The following CYFIP2 variants were observed in gnomAD, a reference collection of about 807,000 sequenced individuals.
The protein encoded by CYFIP2 is cytoplasmic FMR1-interacting protein 2.
A neutral mutation model predicts 158.7 loss-of-function variants in CYFIP2; 29 were observed. The observed-to-expected ratio is 0.18, with a 90% CI of 0.14 to 0.25. CYFIP2 has a LOEUF of 0.25. Among genes scored for constraint, CYFIP2 ranks in the 10% least tolerant of loss-of-function variants. CYFIP2 has a pLI of 1.00. For synonymous variants in CYFIP2, 585 were observed against 617.6 expected (o/e 0.95, Z 0.78); for missense variants, 852 against 1,639.5 (o/e 0.52, Z 8.29).
At chr5:157,299,675 C>T (rs1758577169) in intron 5 of CYFIP2, among the ~76,000 whole-genome samples, 1 of 152,034 alleles carries the variant, frequency 6.6e-6, no homozygotes, top group South Asian at 2.1e-4. Flanking sequence ...CCAAGGCAGG[C>T]AGATCACTTG....
At position 157,348,767 on chromosome 5, in the gene CYFIP2, G is replaced by A. The variant is rs150109989; in HGVS notation, c.2673+7610G>A. Among the ~76,000 whole-genome samples the A allele has an allele frequency of 1.6e-3, 242 of 151,918 alleles. 1 individual carries two copies. Among genetic ancestry groups the A allele is most frequent in the African/African-American group, 5.5e-3 (227 of 41,444 alleles). The stretch of plus-strand genomic sequence containing the variant: ...ATATGAGATCAGATAGTTGCTCTGC[G>A]GCTTTCCCATGGCATTCAGTCTTCC... On this transcript the variant is annotated intron_variant, in intron 23 of 30. Coordinates refer to ENST00000620254, the MANE Select transcript of CYFIP2 (RefSeq NM_001037333.3).
chr5:157,375,078 T>G (rs1020718965), intron 26 of CYFIP2, among the ~76,000 whole-genome samples: 8 of 152,184 alleles, frequency 5.3e-5, no homozygotes, highest in Non-Finnish European at 1.0e-4. Context: ...ACTTGAGACT[T>G]GTTAAAGGCA....
chr5:157,330,143 C>T lies in CYFIP2; in HGVS notation c.2157-599C>T, dbSNP rs116504631. Among the ~76,000 whole-genome samples, 1,005 of 152,158 alleles carry T rather than the reference C, an allele frequency of 6.6e-3. 15 individuals are homozygous for T. Among genetic ancestry groups the T allele is most frequent in the African/African-American group, 0.023 (944 of 41,480 alleles). Reference sequence around the variant, plus strand: ...TGGACTTCCTAACTCCAAATGATCCCATTTTCTTATTTTCAAAGCACTTCT... The same window carrying T: ...TGGACTTCCTAACTCCAAATGATCCTATTTTCTTATTTTCAAAGCACTTCT... On this transcript the variant is annotated intron_variant, in intron 19 of 30. Transcript: ENST00000620254.
intron 23 of CYFIP2, chr5:157,343,309 G>A (rs373483059): frequency 3.3e-5 from 53 of 1,614,094 alleles, no homozygotes; most frequent in Non-Finnish European, 4.1e-5. Flanking sequence ...TCTTACAGCT[G>A]ATGCACAGGA....
intron 11 of CYFIP2, among the ~76,000 whole-genome samples, chr5:157,312,144 A>G (rs1759777021): frequency 6.6e-6 from 1 of 152,162 alleles, no homozygotes; most frequent in African/African-American, 2.4e-5. Flanking sequence ...ACCATCTCCA[A>G]CCTGGATGGC....
At position 157,311,148 on chromosome 5, in the gene CYFIP2, C is replaced by G; in HGVS notation, c.993-516C>G. The G allele has an allele frequency of 2.2e-6, 1 of 452,898 alleles. No homozygotes were observed. Among genetic ancestry groups the G allele is most frequent in the African/African-American group, 2.0e-5 (1 of 50,086 alleles). The allele number at this position is 452,898 out of a possible 1,614,324, so 28.1% of individuals were successfully genotyped here. A position where few individuals can be genotyped will look rare whatever the true frequency, so the allele number is the denominator to read the frequency against. On this transcript the variant is annotated intron_variant, in intron 10 of 30. Coordinates refer to ENST00000620254, the MANE Select transcript of CYFIP2 (RefSeq NM_001037333.3). This position sits in a 1 kb window ranked among gnomAD's most constrained non-coding sequence, Gnocchi z 4.7. ...GCCACCCCCACGTCTCAGAGTGGCC[C>G]TGGCTTCTCCCACCACAGTGTGCTT...
At position 157,302,968 on chromosome 5, in the gene CYFIP2, G is replaced by A. The variant is rs569408263; in HGVS notation, c.666+78G>A. 1.4e-5 allele frequency: 16 copies of A among 1,131,676 alleles called. No individual in the cohort carries two copies. The East Asian group carries it at 1.6e-4, about 11-fold the overall frequency. The allele number at this position is 1,131,676 out of a possible 1,614,324, so 70.1% of individuals were successfully genotyped here. A position where few individuals can be genotyped will look rare whatever the true frequency, so the allele number is the denominator to read the frequency against. On this transcript the variant is annotated intron_variant, in intron 7 of 30. Coordinates refer to ENST00000620254, the MANE Select transcript of CYFIP2 (RefSeq NM_001037333.3). ...GGCGTGTAGAGGTTGGGTGGACCAC[G>A]AGCCCAAGCAGACAAGCTCAGTCTG...
intron 2 of CYFIP2, 43 bp from the exon 3 acceptor site, chr5:157,286,976 T>C: frequency 1.9e-6 from 3 of 1,557,066 alleles, no homozygotes; most frequent in Non-Finnish European, 1.8e-6. Flanking sequence ...AACTTGGAAC[T>C]GTTTTCTAAC....
At chr5:157,343,253 A>G (rs1247185109) in intron 23 of CYFIP2, 1 of 1,614,206 alleles carries the variant, frequency 6.2e-7, no homozygotes, top group Non-Finnish European at 8.5e-7. Context: ...ACTCTTATCC[A>G]GGGTGTGGAA....
chr5:157,273,974 A>C (rs2113811767), intron 1 of CYFIP2, among the ~76,000 whole-genome samples: 1 of 152,188 alleles, frequency 6.6e-6, no homozygotes, highest in Admixed American at 6.5e-5. Context: ...GTCTCTACTG[A>C]AAATACAAAA....
intron 19 of CYFIP2, among the ~76,000 whole-genome samples, chr5:157,329,783 T>C (rs898288594): frequency 6.6e-6 from 1 of 152,226 alleles, no homozygotes; most frequent in Non-Finnish European, 1.5e-5. Flanking sequence ...AAGTGTTCAG[T>C]AGGCACATGT....
intron 28 of CYFIP2, among the ~76,000 whole-genome samples, chr5:157,385,274 C>T (rs1186031319): frequency 6.6e-6 from 1 of 152,188 alleles, no homozygotes; most frequent in Non-Finnish European, 1.5e-5. Context: ...TGTCAAATGC[C>T]TAGTGTTTAA....
intron 26 of CYFIP2, among the ~76,000 whole-genome samples, chr5:157,374,996 A>C (rs918770169): frequency 6.6e-6 from 1 of 152,066 alleles, no homozygotes; most frequent in Non-Finnish European, 1.5e-5. Context: ...AGTAAGGGAA[A>C]CTCATGCTGG....
At chr5:157,373,587 A>T (rs977596496) in intron 26 of CYFIP2, among the ~76,000 whole-genome samples, 1 of 152,214 alleles carries the variant, frequency 6.6e-6, no homozygotes, top group Non-Finnish European at 1.5e-5. Flanking sequence ...GAGGAGTAGG[A>T]TGATCATTTT....
intron 9 of CYFIP2, among the ~76,000 whole-genome samples, chr5:157,309,238 C>T (rs1759502783): frequency 6.6e-6 from 1 of 152,184 alleles, no homozygotes; most frequent in African/African-American, 2.4e-5. Context: ...AAATACCAGC[C>T]TCCCCGCCAT....
intron 1 of CYFIP2, among the ~76,000 whole-genome samples, chr5:157,285,051 C>G (rs2113842360): frequency 1.3e-5 from 2 of 152,268 alleles, no homozygotes; most frequent in South Asian, 4.1e-4. Context: ...TTCTCTGAGC[C>G]TTGATTTTTC....
chr5:157,271,220 G>A (rs1045871196), intron 1 of CYFIP2, among the ~76,000 whole-genome samples: 1 of 152,136 alleles, frequency 6.6e-6, no homozygotes. Flanking sequence ...TCCTTGGACA[G>A]GTTTATTATG....
At chr5:157,310,722 G>A (rs956397012) in intron 10 of CYFIP2, among the ~76,000 whole-genome samples, 6 of 152,232 alleles carry the variant, frequency 3.9e-5, no homozygotes, top group Admixed American at 3.3e-4. Context: ...GTGAGGGGCC[G>A]TGTGCTCCCC....
At chr5:157,287,205 C>CT in intron 3 of CYFIP2, 97 bp downstream of exon 3, 2 of 894,800 alleles carry the variant, frequency 2.2e-6, no homozygotes, top group Non-Finnish European at 3.6e-6. Context: ...CTCAGCTACT[C>CT]TAAGAACCCC....
Sources: allele counts gnomAD v4.1 joint callset (sites outside exome capture counted in the v4.1 genomes callset), GRCh38; gene constraint gnomAD v4.1.1; non-coding constraint Gnocchi (gnomAD v3.1); transcripts MANE v1.5; gene names NCBI Gene and HGNC (gene_info 2026-07-23, HGNC 2026-07-21).